The following PISD variants were observed in gnomAD, a reference collection of about 807,000 sequenced individuals.
The protein encoded by PISD is phosphatidylserine decarboxylase proenzyme, mitochondrial.
PISD carries 31 observed loss-of-function variants against 43.5 expected under a neutral mutation model. The observed-to-expected ratio is 0.71, with a 90% CI of 0.54 to 0.96. The LOEUF (loss-of-function observed/expected upper bound fraction) is 0.96, where lower values mean the gene tolerates loss of function less well. Ranked by LOEUF, PISD falls within the 40% of genes least tolerant of loss-of-function variation. The pLI, the probability that PISD is intolerant of heterozygous loss-of-function variation, is 0.00. For missense variants in PISD, 523 were observed against 548.4 expected, an observed-to-expected ratio of 0.95 and a Z score of 0.46; for synonymous variants, 259 against 228.7, an observed-to-expected ratio of 1.13 and a Z score of -1.20.
chr22:31,641,837 A>G (rs1411869935), intron 3 of PISD, among the ~76,000 whole-genome samples: 1 of 150,964 alleles, frequency 6.6e-6, no homozygotes, highest in Non-Finnish European at 1.5e-5. Flanking sequence ...AATAATAATA[A>G]TGATAAAATT....
In PISD at chr22:31,619,585, T is replaced by G; in HGVS notation, c.*27A>C. On this transcript the variant is annotated 3_prime_UTR_variant, in exon 8 of 8. Transcript: ENST00000439502. ...CCTCACTCTGTTTGGAAAAGATCCC[T>G]TAGCAGCCATAATCAGGAAAGAGAC... is the stretch of plus-strand genomic sequence containing the variant. 1 of 1,581,476 alleles carries G rather than the reference T, an allele frequency of 6.3e-7. No individual in the cohort carries two copies. The highest frequency in any genetic ancestry group is 1.7e-5 in the Admixed American group (1 of 59,802).
chr22:31,655,324 T>A (rs1195915089), intron 1 of PISD, among the ~76,000 whole-genome samples: 1 of 151,850 alleles, frequency 6.6e-6, no homozygotes, highest in Non-Finnish European at 1.5e-5. Flanking sequence ...CCCTTTTTTT[T>A]TTTTTCCCAG....
intron 2 of PISD, among the ~76,000 whole-genome samples, 167 bp from the exon 3 acceptor site, chr22:31,648,443 C>T (rs954033109): frequency 3.3e-5 from 5 of 151,956 alleles, no homozygotes; most frequent in Admixed American, 6.6e-5. Context: ...TTTGGGAGGC[C>T]GAGGCAGGCG....
intron 3 of PISD, among the ~76,000 whole-genome samples, chr22:31,633,241 A>T (rs2073280615): frequency 6.6e-6 from 1 of 152,192 alleles, no homozygotes. Context: ...AGCCCCAGTT[A>T]GACCAGGGGA....
At chr22:31,661,785 C>G (rs1433674492) in intron 1 of PISD, among the ~76,000 whole-genome samples, 2 of 152,134 alleles carry the variant, frequency 1.3e-5, no homozygotes, top group African/African-American at 4.8e-5. Flanking sequence ...GTGTCCTTCC[C>G]ACAGGACATC....
In PISD at chr22:31,623,905, C is replaced by G. The variant is rs543749174; in HGVS notation, c.322-2020G>C. ...TCAGTGGCCAGGCTCTGGGCAGGAC[C>G]CAGGAGGCTGCCACCTGCACCCAGG... On this transcript the variant is annotated intron_variant, in intron 3 of 7. Transcript: ENST00000439502. The G allele has an allele frequency of 9.1e-6, 14 of 1,530,408 alleles. No individual in the cohort carries two copies. The East Asian group carries it at 2.1e-4, about 23-fold the overall frequency. The allele number at this position is 1,530,408 out of a possible 1,614,324, so 94.8% of individuals were successfully genotyped here.
chr22:31,644,142 A>C (rs2073816616), intron 3 of PISD, among the ~76,000 whole-genome samples: 1 of 152,112 alleles, frequency 6.6e-6, no homozygotes, highest in Non-Finnish European at 1.5e-5. Flanking sequence ...CTGGCTTATC[A>C]TCAGAATCAC....
At chr22:31,646,727 A>C (rs1036530250) in intron 3 of PISD, among the ~76,000 whole-genome samples, 1 of 152,120 alleles carries the variant, frequency 6.6e-6, no homozygotes, top group African/African-American at 2.4e-5. Context: ...GTACTTTACT[A>C]ATCTACTAAT....
chr22:31,636,660 C>T (rs1407859674), intron 3 of PISD, among the ~76,000 whole-genome samples: 1 of 152,214 alleles, frequency 6.6e-6, no homozygotes. Flanking sequence ...CTGCCTCAGC[C>T]TCCCAAGTAG....
rs1440603482 is a variant in PISD, at chr22:31,619,181, C to T, written c.*431G>A. 3.3e-6 allele frequency: 1 copy of T among 302,652 alleles called. No homozygotes were observed. The highest frequency in any genetic ancestry group is 9.2e-5 in the East Asian group (1 of 10,812). The allele number at this position is 302,652 out of a possible 1,614,324, so 18.7% of individuals were successfully genotyped here. On this transcript the variant is annotated 3_prime_UTR_variant, in exon 8 of 8. Coordinates refer to ENST00000439502, the MANE Select transcript of PISD (RefSeq NM_001326411.2). ...CACAGTCTGTGCCAAGGAGGCACCT[C>T]ACCCTGTGCAGCAGGAGCGTTAAGG...
chr22:31,623,610 C>CA (rs2072703536), intron 3 of PISD: 1 of 1,407,214 alleles, frequency 7.1e-7, no homozygotes. Flanking sequence ...GCCACCACCT[C>CA]AGTCTCTCCT....
intron 3 of PISD, among the ~76,000 whole-genome samples, chr22:31,624,757 G>A (rs927656162): frequency 2.6e-5 from 2 of 78,384 alleles, no homozygotes; most frequent in Admixed American, 1.2e-4. Flanking sequence ...ACACACACAC[G>A]AGACCCAAGC....
chr22:31,640,951 A>C (rs1404430036), intron 3 of PISD, among the ~76,000 whole-genome samples: 7 of 101,322 alleles, frequency 6.9e-5, no homozygotes, highest in Non-Finnish European at 1.1e-4. Flanking sequence ...GCAATGGCGC[A>C]ATCTCGGCTC....
chr22:31,637,157 AAAAAAAAATATATATATATAT>A lies in PISD; in HGVS notation c.321+10923_321+10943del, dbSNP rs1458823172. Among the ~76,000 whole-genome samples, 95 of 36,956 alleles carry A rather than the reference AAAAAAAAATATATATATATAT, an allele frequency of 2.6e-3. 2 individuals carry two copies. Among genetic ancestry groups the A allele is most frequent in the South Asian group, 7.5e-3 (9 of 1,198 alleles). 24.2% of individuals were successfully genotyped at this position (36,956 alleles called of 152,430 possible). ...AATAAATAAATTAAAAAAAAAAAAA[AAAAAAAAATATATATATATAT>A]ATATATATATATATATATATATATA... On this transcript the variant is annotated intron_variant, in intron 3 of 7. Coordinates refer to ENST00000439502, the MANE Select transcript of PISD (RefSeq NM_001326411.2).
Position 31,630,109 on chromosome 22 carries a change from G to C in PISD, c.322-8224C>G, listed in dbSNP as rs1443740522. ...TCCCTGCATTCCTGAGCTAGAAGCA[G>C]GCAAACTTCCCAAGTAGGAGACGGG... On this transcript the variant is annotated intron_variant, in intron 3 of 7. Coordinates refer to ENST00000439502, the MANE Select transcript of PISD (RefSeq NM_001326411.2). This position sits in a 1 kb window ranked among gnomAD's most constrained non-coding sequence, Gnocchi z 4.4. 1 of 152,154 alleles carries C rather than the reference G, an allele frequency of 6.6e-6. No homozygotes were observed. The highest frequency in any genetic ancestry group is 1.5e-5 in the Non-Finnish European group (1 of 68,068). The allele number at this position is 152,154 out of a possible 1,614,324, so 9.4% of individuals were successfully genotyped here. A position where few individuals can be genotyped will look rare whatever the true frequency, so the allele number is the denominator to read the frequency against.
intron 3 of PISD, among the ~76,000 whole-genome samples, chr22:31,641,198 G>A (rs1035487278): frequency 2.0e-5 from 3 of 151,992 alleles, no homozygotes; most frequent in African/African-American, 7.3e-5. Context: ...ATCAAAATCA[G>A]CATATGATTT....
At chr22:31,656,649 A>AAAAT (rs59608474) in intron 1 of PISD, among the ~76,000 whole-genome samples, 6,772 of 149,210 alleles carry the variant, frequency 0.045, 385 homozygotes, top group Admixed American at 0.17. Flanking sequence ...CTGCGTCTCA[A>AAAAT]AAATAAATAA....
chr22:31,640,114 G>A (rs2073646225), intron 3 of PISD, among the ~76,000 whole-genome samples: 1 of 152,072 alleles, frequency 6.6e-6, no homozygotes, highest in African/African-American at 2.4e-5. Context: ...CCACGCGACG[G>A]GGCTAAATGG....
intron 3 of PISD, among the ~76,000 whole-genome samples, chr22:31,633,019 A>G (rs969996726): frequency 6.6e-6 from 1 of 152,212 alleles, no homozygotes; most frequent in Non-Finnish European, 1.5e-5. Flanking sequence ...CAGAGCCCCA[A>G]AGAAACTTCA....
Sources: allele counts gnomAD v4.1 joint callset (sites outside exome capture counted in the v4.1 genomes callset), GRCh38; gene constraint gnomAD v4.1.1; non-coding constraint Gnocchi (gnomAD v3.1); transcripts MANE v1.5; gene names NCBI Gene and HGNC (gene_info 2026-07-23, HGNC 2026-07-21).